DNAH5: variants seen among roughly 807,000 people sequenced by gnomAD.
The protein encoded by DNAH5 is axonemal beta dynein heavy chain 5.
A neutral mutation model predicts 518.2 loss-of-function variants in DNAH5; 372 were observed. That is an observed-to-expected ratio of 0.72 (90% CI 0.66 to 0.78). DNAH5 has a LOEUF of 0.78. Among genes scored for constraint, DNAH5 ranks in the 30% least tolerant of loss-of-function variants. The pLI is 0.00. For synonymous variants in DNAH5, 2,039 were observed against 2,025.9 expected (o/e 1.01, Z -0.17); for missense variants, 5,523 against 5,687.0 (o/e 0.97, Z 0.93).
chr5:13,738,457 GA>G, intron 65 of DNAH5, among the ~76,000 whole-genome samples: 1 of 152,286 alleles, frequency 6.6e-6, no homozygotes, highest in African/African-American at 2.4e-5. Flanking sequence ...CTGCAACTGT[GA>G]GCACGTTTAA....
chr5:13,957,260 G>T (rs1329666823), intron 1 of DNAH5, among the ~76,000 whole-genome samples: 1 of 152,216 alleles, frequency 6.6e-6, no homozygotes, highest in Non-Finnish European at 1.5e-5. Flanking sequence ...GAGGTTAGCT[G>T]CCATCCAGTG....
intron 78 of DNAH5, among the ~76,000 whole-genome samples, chr5:13,697,561 T>G (rs1561067176): frequency 6.6e-6 from 1 of 152,208 alleles, no homozygotes; most frequent in Non-Finnish European, 1.5e-5. Flanking sequence ...TTGTAAAGAC[T>G]AAATGAGACA....
intron 5 of DNAH5, among the ~76,000 whole-genome samples, chr5:13,921,436 G>A (rs188184199): frequency 8.0e-6 from 1 of 125,162 alleles, no homozygotes. Context: ...CTCTCTCTCT[G>A]TCTCTCTCTC....
rs1328755054 is a variant in DNAH5, at chr5:13,830,025, C to A, written c.6249+1G>T. On this transcript the variant is annotated splice_donor_variant, in intron 37 of 78. Transcript: ENST00000265104. LOFTEE classifies it high-confidence loss of function. ...CAGTAGCTTTTCTAGCAGCTCCTTA[C>A]CATGGTTAAGAAAAGCCCAAATTCA... 2 of 1,613,264 alleles carry A rather than the reference C, an allele frequency of 1.2e-6. No homozygotes were observed. Among genetic ancestry groups the A allele is most frequent in the South Asian group, 1.1e-5 (1 of 91,054 alleles).
chr5:13,976,710 T>TATATATATATAC lies in DNAH5; in HGVS notation c.12+34937_12+34938insGTATATATATAT, dbSNP rs780402172. Among the ~76,000 whole-genome samples the TATATATATATAC allele has an allele frequency of 7.7e-4, 102 of 133,080 alleles. 1 individual carries two copies. The highest frequency in any genetic ancestry group is 5.0e-3 in the East Asian group (21 of 4,226). The allele number at this position is 133,080 out of a possible 152,430, so 87.3% of individuals were successfully genotyped here. On this transcript the variant is annotated intron_variant, in intron 1 of 78. Transcript: ENST00000681290. ...GTGTGTATATATATATATATATATA[T>TATATATATATAC]ACACACACACACATACACACACACA...
intron 15 of DNAH5, chr5:13,897,497 T>C (rs1774054879): frequency 6.6e-6 from 1 of 152,228 alleles, no homozygotes; most frequent in Non-Finnish European, 1.5e-5. Context: ...GAACCTATAT[T>C]TGTAACTATT....
chr5:13,715,055 C>G (rs574991090), intron 74 of DNAH5, among the ~76,000 whole-genome samples: 6 of 151,924 alleles, frequency 3.9e-5, no homozygotes, highest in Non-Finnish European at 8.8e-5. Flanking sequence ...AAAGGCAGCA[C>G]GTGGGAGTCA....
chr5:13,697,321 C>T lies in DNAH5; in HGVS notation c.13723+3319G>A, dbSNP rs150072523. On this transcript the variant is annotated intron_variant, in intron 78 of 78. Transcript: ENST00000265104. ...ATGCTTGCCTAAGCCCAGGTAGACA[C>T]ATTTATCATTTTAGATTCAACTAAT... Among the ~76,000 whole-genome samples, 37 of 152,336 alleles carry T rather than the reference C, an allele frequency of 2.4e-4. No individual in the cohort carries two copies. The East Asian group carries it at 6.6e-3, about 27-fold the overall frequency.
In DNAH5 at chr5:13,859,470, A is replaced by G. The variant is rs1449066022; in HGVS notation, c.4932T>C (p.Ile1644=). 3.1e-6 allele frequency: 5 copies of G among 1,614,056 alleles called. No homozygotes were observed. The Admixed American group carries it at 8.3e-5, about 27-fold the overall frequency. The part of the protein sequence containing the change: ...YLEAVFVGGD[I]AKQLPKEAKR... ...ACAAAACCTTGGGCAGCTGCTTGGC[A>G]ATGTCTCCTCCCACAAAGACAGCTT... is the stretch of plus-strand genomic sequence containing the variant. The change falls in exon 30 of 79, where the codon ATT becomes ATC. Residue 1644 remains isoleucine (I), a synonymous_variant. Coordinates refer to ENST00000265104, the MANE Select transcript of DNAH5 (RefSeq NM_001369.3).
At chr5:13,864,680 G>A (rs1768964779) in intron 27 of DNAH5, 43 bp from the exon 28 acceptor site, 1 of 1,611,320 alleles carries the variant, frequency 6.2e-7, no homozygotes, top group Non-Finnish European at 8.5e-7. Context: ...AAATATGATG[G>A]TAGACATCAC....
At position 13,890,971 on chromosome 5, in the gene DNAH5, A is replaced by C. The variant is rs201596289; in HGVS notation, c.2577+5T>G. 31 of 1,614,080 alleles carry C rather than the reference A, an allele frequency of 1.9e-5. No homozygotes were observed. In the Admixed American group the frequency reaches 3.7e-4, roughly 19 times the overall value. Reference sequence around the variant, plus strand: ...TTAAACAAAAAAAATCAAGGTTTTAATGACCTTTGTCATTTGGAGAAACTC... The same window carrying C: ...TTAAACAAAAAAAATCAAGGTTTTACTGACCTTTGTCATTTGGAGAAACTC... On this transcript the variant is annotated splice_donor_5th_base_variant and intron_variant, in intron 17 of 78. Transcript: ENST00000265104.
chr5:13,900,144 AT>A (rs1294907677), intron 15 of DNAH5, 61 bp downstream of exon 15: 11 of 1,439,668 alleles, frequency 7.6e-6, no homozygotes, highest in African/African-American at 1.4e-5. Flanking sequence ...ACATCACCAT[AT>A]TTTTTTATAA....
At chr5:13,821,690 A>C (rs375359930) in intron 40 of DNAH5, among the ~76,000 whole-genome samples, 1 of 152,212 alleles carries the variant, frequency 6.6e-6, no homozygotes, top group Non-Finnish European at 1.5e-5. Context: ...TTTTATAATA[A>C]TCATGTATCA....
chr5:13,778,606 G>A (rs1400769297), intron 53 of DNAH5, among the ~76,000 whole-genome samples: 1 of 150,846 alleles, frequency 6.6e-6, no homozygotes, highest in Non-Finnish European at 1.5e-5. Context: ...AAGAGAGAGA[G>A]AAAGAAAAAG....
intron 24 of DNAH5, among the ~76,000 whole-genome samples, chr5:13,870,138 AC>A (rs1453139431): frequency 1.3e-5 from 2 of 152,112 alleles, no homozygotes; most frequent in East Asian, 3.8e-4. Flanking sequence ...AATTTCTTCG[AC>A]CCTCAGTTTC....
intron 65 of DNAH5, among the ~76,000 whole-genome samples, chr5:13,745,410 A>G (rs1022907108): frequency 2.0e-5 from 3 of 152,098 alleles, no homozygotes; most frequent in Admixed American, 2.0e-4. Flanking sequence ...AAGCACACAG[A>G]AAGTATAACT....
Position 13,901,315 on chromosome 5 carries a change from G to C in DNAH5, c.1989C>G (p.Tyr663Ter). The change falls in exon 14 of 79, where the codon TAC becomes TAG. Residue 663 changes from tyrosine (Y) to a stop codon, truncating the protein, a stop_gained. Coordinates refer to ENST00000265104, the MANE Select transcript of DNAH5 (RefSeq NM_001369.3). LOFTEE classifies it high-confidence loss of function. ...CCAGGAGGACCTTGGCCATCCTGTT[G>C]TAACTGCGAATTATAGGTTTGGCTT... Reference protein sequence around the residue: ...TAEAKPIIRSYNRMAKVLLEF... With the variant: ...TAEAKPIIRS 6.2e-7 allele frequency: 1 copy of C among 1,614,188 alleles called. No homozygotes were observed. The highest frequency in any genetic ancestry group is 8.5e-7 in the Non-Finnish European group (1 of 1,180,018).
At chr5:13,900,515 G>T (rs890621500) in intron 14 of DNAH5, 103 bp from the exon 15 acceptor site, 28 of 986,916 alleles carry the variant, frequency 2.8e-5, no homozygotes, top group Non-Finnish European at 4.4e-5. Flanking sequence ...GTTCTTCCAT[G>T]GATTTGAGCT....
intron 47 of DNAH5, among the ~76,000 whole-genome samples, chr5:13,797,853 A>G (rs977308899): frequency 1.3e-5 from 2 of 152,324 alleles, no homozygotes; most frequent in South Asian, 4.1e-4. Flanking sequence ...GCACATATAC[A>G]CCATGGAATA....
Sources: allele counts gnomAD v4.1 joint callset (sites outside exome capture counted in the v4.1 genomes callset), GRCh38; gene constraint gnomAD v4.1.1; transcripts MANE v1.5; gene names NCBI Gene and HGNC (gene_info 2026-07-23, HGNC 2026-07-21).